LRBA: variants seen among roughly 807,000 people sequenced by gnomAD.
LRBA encodes the protein lipopolysaccharide-responsive and beige-like anchor protein.
Under a neutral mutation model 330.0 loss-of-function variants are expected in LRBA, and 176 were observed. That is an observed-to-expected ratio of 0.53 (90% CI 0.47 to 0.60). The LOEUF (loss-of-function observed/expected upper bound fraction) is 0.60, where lower values mean the gene tolerates loss of function less well. Ranked by LOEUF, LRBA falls within the 20% of genes least tolerant of loss-of-function variation. LRBA has a pLI of 0.00. For missense variants in LRBA, 3,259 were observed against 3,444.8 expected (o/e 0.95, Z 1.35); for synonymous variants, 1,230 against 1,193.0 (o/e 1.03, Z -0.64).
intron 33 of LRBA, among the ~76,000 whole-genome samples, chr4:150,805,088 C>G (rs1299804589): frequency 6.6e-6 from 1 of 151,120 alleles, no homozygotes; most frequent in Admixed American, 6.6e-5. Flanking sequence ...AGGAAATTTA[C>G]GGTAAATCTA....
intron 22 of LRBA, among the ~76,000 whole-genome samples, chr4:150,859,315 TATGTGTTTAGAAAAGA>T (rs974424957): frequency 1.3e-5 from 2 of 152,216 alleles, no homozygotes; most frequent in African/African-American, 4.8e-5. Flanking sequence ...GTGTTAGTTT[TATGTGTTTAGAAAAGA>T]ATGTGTTTAC....
intron 36 of LRBA, among the ~76,000 whole-genome samples, chr4:150,691,627 G>T (rs1016170825): frequency 6.6e-6 from 1 of 152,128 alleles, no homozygotes; most frequent in Non-Finnish European, 1.5e-5. Context: ...AACTACTTTG[G>T]AAAATAGTTT....
chr4:150,492,022 C>T (rs1759012372), intron 40 of LRBA, among the ~76,000 whole-genome samples: 1 of 151,972 alleles, frequency 6.6e-6, no homozygotes, highest in African/African-American at 2.4e-5. Context: ...TATGATACTA[C>T]ATTGTAGGAA....
intron 50 of LRBA, among the ~76,000 whole-genome samples, chr4:150,317,202 A>C (rs1731833138): frequency 6.6e-6 from 1 of 152,046 alleles, no homozygotes; most frequent in Non-Finnish European, 1.5e-5. Context: ...TGCTGCCTGG[A>C]ATTTTCTATT....
chr4:150,315,850 C>T (rs1339491525), intron 50 of LRBA, among the ~76,000 whole-genome samples: 1 of 152,112 alleles, frequency 6.6e-6, no homozygotes, highest in Non-Finnish European at 1.5e-5. Flanking sequence ...TGGCTCCAGT[C>T]CTAGGCCATA....
intron 22 of LRBA, among the ~76,000 whole-genome samples, chr4:150,863,774 T>A (rs997365702): frequency 6.6e-6 from 1 of 152,146 alleles, no homozygotes; most frequent in African/African-American, 2.4e-5. Flanking sequence ...AAATACTTAG[T>A]CATAAATGCT....
chr4:150,872,675 T>C lies in LRBA; in HGVS notation c.2246A>G (p.His749Arg), dbSNP rs1194975721. 1 of 1,607,486 alleles carries C rather than the reference T, an allele frequency of 6.2e-7. No homozygotes were observed. Among genetic ancestry groups the C allele is most frequent in the Non-Finnish European group, 8.5e-7 (1 of 1,175,532 alleles). ...ALKAMGYFLK[H>R]LAPKRKAEVM... ...TCGGCATACTTACTTTGGGGCCAGA[T>C]GTTTTAAAAAATAACCCATTGCCTT... Residue 749 changes from histidine to arginine, a missense_variant, in exon 18 of 57, where the codon CAT becomes CGT. By Grantham distance (29) the His-to-Arg change is conservative. Transcript: ENST00000651943.
At chr4:150,616,206 A>T (rs569102610) in intron 37 of LRBA, among the ~76,000 whole-genome samples, 1 of 152,338 alleles carries the variant, frequency 6.6e-6, no homozygotes, top group African/African-American at 2.4e-5. Flanking sequence ...AGAGACATTG[A>T]TGACTAGTGT....
intron 46 of LRBA, among the ~76,000 whole-genome samples, chr4:150,422,137 C>T (rs1748891182): frequency 6.6e-6 from 1 of 152,112 alleles, no homozygotes; most frequent in Admixed American, 6.5e-5. Flanking sequence ...TGGCATATGT[C>T]TGTAGTCCCA....
chr4:150,300,007 G>A (rs763073447), intron 53 of LRBA, among the ~76,000 whole-genome samples: 4 of 152,050 alleles, frequency 2.6e-5, no homozygotes, highest in Non-Finnish European at 4.4e-5. Context: ...AACCATCAAT[G>A]AGCCAGAGGC....
At chr4:150,800,265 A>G (rs1000761964) in intron 33 of LRBA, among the ~76,000 whole-genome samples, 1 of 152,174 alleles carries the variant, frequency 6.6e-6, no homozygotes, top group African/African-American at 2.4e-5. Flanking sequence ...GGTGGAGGAG[A>G]GTGATGGTAG....
At chr4:150,990,830 C>T (rs1406715870) in intron 2 of LRBA, among the ~76,000 whole-genome samples, 1 of 152,060 alleles carries the variant, frequency 6.6e-6, no homozygotes, top group Non-Finnish European at 1.5e-5. Context: ...ACCAGCCTGG[C>T]CAACACGGCA....
At chr4:150,819,451 G>C (rs949705275) in intron 30 of LRBA, among the ~76,000 whole-genome samples, 4 of 151,848 alleles carry the variant, frequency 2.6e-5, no homozygotes, top group African/African-American at 4.8e-5. Context: ...TCTCCAGTTA[G>C]AGAGCTGCAT....
In LRBA at chr4:150,467,775, A is replaced by G. The variant is rs773603357; in HGVS notation, c.6678T>C (p.Tyr2226=). ...MFLNTIAGRS[Y]NDLNQYPVFP... ...ACACTGGATACTGATTTAAGTCATT[A>G]TAACTCCGTCCTGATAGGGAAAAAA... Residue 2226 remains tyrosine (Y), a synonymous_variant, in exon 44 of 57, where the codon TAT becomes TAC. Coordinates refer to ENST00000651943, the MANE Select transcript of LRBA (RefSeq NM_001364905.1). The G allele has an allele frequency of 1.3e-6, 2 of 1,536,652 alleles. No homozygotes were observed. Among genetic ancestry groups the G allele is most frequent in the Non-Finnish European group, 1.8e-6 (2 of 1,116,382 alleles).
At chr4:150,862,570 T>C (rs1752094025) in intron 22 of LRBA, among the ~76,000 whole-genome samples, 1 of 151,404 alleles carries the variant, frequency 6.6e-6, no homozygotes, top group Non-Finnish European at 1.5e-5. Flanking sequence ...GAGATATACC[T>C]AATGTAAATG....
At chr4:150,549,522 A>G (rs1007702123) in intron 40 of LRBA, among the ~76,000 whole-genome samples, 1 of 151,904 alleles carries the variant, frequency 6.6e-6, no homozygotes, top group Non-Finnish European at 1.5e-5. Context: ...TAGTAGAGAC[A>G]GGGTTTCACC....
intron 13 of LRBA, among the ~76,000 whole-genome samples, chr4:150,902,151 C>T (rs1168561006): frequency 1.3e-5 from 2 of 151,896 alleles, no homozygotes; most frequent in Non-Finnish European, 2.9e-5. Context: ...ATTCAGAGGA[C>T]AGATAAATTA....
intron 2 of LRBA, among the ~76,000 whole-genome samples, chr4:151,000,332 T>C (rs1052762991): frequency 6.6e-6 from 1 of 152,222 alleles, no homozygotes; most frequent in African/African-American, 2.4e-5. Flanking sequence ...GGATAGAAGA[T>C]TCGTACATAC....
At chr4:150,801,887 C>T (rs1741661934) in intron 33 of LRBA, among the ~76,000 whole-genome samples, 1 of 151,990 alleles carries the variant, frequency 6.6e-6, no homozygotes, top group South Asian at 2.1e-4. Context: ...AAACACAGTG[C>T]AGGCAGAGTG....
Sources: allele counts gnomAD v4.1 joint callset (sites outside exome capture counted in the v4.1 genomes callset), GRCh38; gene constraint gnomAD v4.1.1; transcripts MANE v1.5; gene names NCBI Gene and HGNC (gene_info 2026-07-23, HGNC 2026-07-21).